The following CTNNA3 variants were observed in gnomAD, a reference collection of about 807,000 sequenced individuals.
The protein encoded by CTNNA3 is catenin alpha-3.
Under a neutral mutation model 95.7 loss-of-function variants are expected in CTNNA3, and 76 were observed. The ratio of observed to expected loss-of-function variants is 0.79; its 90% CI spans 0.66 to 0.96. The LOEUF (loss-of-function observed/expected upper bound fraction) is 0.96, where lower values mean the gene tolerates loss of function less well. Ranked by LOEUF, CTNNA3 falls within the 40% of genes least tolerant of loss-of-function variation. The pLI is 0.00. For missense variants in CTNNA3, 1,191 were observed against 1,089.8 expected (o/e 1.09, Z -1.31); for synonymous variants, 431 against 374.4 (o/e 1.15, Z -1.74).
rs868226103 is a variant in CTNNA3 at position 66,418,605 on chromosome 10, G to T, written c.1532-39253C>A. 1.1e-3 allele frequency among the ~76,000 whole-genome samples: 158 copies of T among 145,132 alleles called. 1 individual carries two copies. Among genetic ancestry groups the T allele is most frequent in the African/African-American group, 3.7e-3 (143 of 38,628 alleles). On this transcript the variant is annotated intron_variant, in intron 11 of 17. Transcript: ENST00000433211. Reference sequence around the variant, plus strand: ...CACAGAGGTATAGGTCAATATCTCTGATAAACATAAACACAAAAAACCCCA... The same window carrying T: ...CACAGAGGTATAGGTCAATATCTCTTATAAACATAAACACAAAAAACCCCA...
At chr10:67,346,288 T>C (rs1842411784) in intron 5 of CTNNA3, among the ~76,000 whole-genome samples, 1 of 152,160 alleles carries the variant, frequency 6.6e-6, no homozygotes, top group African/African-American at 2.4e-5. Flanking sequence ...GTTATAATAT[T>C]ATGTGTATTT....
chr10:66,814,764 A>C (rs1842011010), intron 7 of CTNNA3, among the ~76,000 whole-genome samples: 1 of 152,184 alleles, frequency 6.6e-6, no homozygotes, highest in South Asian at 2.1e-4. Context: ...TCTATCTCAA[A>C]TTAAATAAAT....
intron 9 of CTNNA3, among the ~76,000 whole-genome samples, chr10:66,627,044 G>T (rs773517619): frequency 5.9e-5 from 9 of 152,070 alleles, no homozygotes; most frequent in Non-Finnish European, 1.0e-4. Flanking sequence ...GAAGATAAAT[G>T]TACTGAGGTG....
intron 9 of CTNNA3, among the ~76,000 whole-genome samples, chr10:66,735,974 A>G (rs1243219860): frequency 6.6e-6 from 1 of 152,192 alleles, no homozygotes; most frequent in Non-Finnish European, 1.5e-5. Flanking sequence ...TGCCTTGGGA[A>G]CATGCTTCCC....
intron 1 of CTNNA3, among the ~76,000 whole-genome samples, chr10:67,694,093 A>C (rs1409942220): frequency 6.6e-6 from 1 of 152,156 alleles, no homozygotes; most frequent in Non-Finnish European, 1.5e-5. Context: ...CATATAAATC[A>C]CTATGTCTAC....
intron 10 of CTNNA3, among the ~76,000 whole-genome samples, chr10:66,603,376 T>A (rs1844002699): frequency 6.6e-6 from 1 of 152,006 alleles, no homozygotes; most frequent in African/African-American, 2.4e-5. Flanking sequence ...AGAATAAATT[T>A]AATGAAGAAG....
chr10:67,402,910 G>T (rs897745514), intron 5 of CTNNA3, among the ~76,000 whole-genome samples: 1 of 152,174 alleles, frequency 6.6e-6, no homozygotes, highest in African/African-American at 2.4e-5. Context: ...CCTAGGAAGG[G>T]GGCCGAATCC....
intron 7 of CTNNA3, among the ~76,000 whole-genome samples, chr10:67,088,521 T>C (rs891843901): frequency 6.6e-6 from 1 of 151,946 alleles, no homozygotes; most frequent in Non-Finnish European, 1.5e-5. Flanking sequence ...ACTCTCCCTG[T>C]TACTTAGATG....
intron 7 of CTNNA3, among the ~76,000 whole-genome samples, chr10:67,138,283 C>T (rs1860390911): frequency 6.6e-6 from 1 of 152,012 alleles, no homozygotes; most frequent in Admixed American, 6.6e-5. Context: ...AGCAGTGGAC[C>T]CCTTCAGGTA....
intron 7 of CTNNA3, among the ~76,000 whole-genome samples, chr10:67,012,504 G>A (rs1196258804): frequency 1.3e-5 from 2 of 152,048 alleles, no homozygotes; most frequent in East Asian, 3.9e-4. Flanking sequence ...GAAAACCTTT[G>A]TTATTCTGCA....
intron 9 of CTNNA3, among the ~76,000 whole-genome samples, chr10:66,744,867 G>T (rs1849449888): frequency 1.3e-5 from 2 of 152,132 alleles, no homozygotes; most frequent in Non-Finnish European, 2.9e-5. Context: ...GGGTTTTTAT[G>T]TTGAGGAATA....
intron 9 of CTNNA3, among the ~76,000 whole-genome samples, chr10:66,755,878 T>C (rs1839344240): frequency 6.6e-6 from 1 of 152,116 alleles, no homozygotes; most frequent in African/African-American, 2.4e-5. Flanking sequence ...ACTAATTCAA[T>C]CTGCATATAA....
rs1186733686 is a variant in CTNNA3, at chr10:66,379,176, T to G, written c.1708A>C (p.Asn570His). 9 of 1,613,994 alleles carry G rather than the reference T, an allele frequency of 5.6e-6. No homozygotes were observed. In the Admixed American group the frequency reaches 1.5e-4, roughly 27 times the overall value. Residue 570 changes from asparagine to histidine, a missense_variant, in exon 12 of 18, where the codon AAT (asparagine) becomes CAT (histidine). Physicochemically the swap from Asn to His is moderately conservative, Grantham distance 68. Coordinates refer to ENST00000433211, the MANE Select transcript of CTNNA3 (RefSeq NM_013266.4). ...PGAYTEGVMR[N>H]VNFLTSTVIP... The stretch of plus-strand genomic sequence containing the variant: ...CCAGTACTTGTAAGGAAGTTAACAT[T>G]TCTCATTACACCTTCCGTGTAAGCC...
intron 6 of CTNNA3, among the ~76,000 whole-genome samples, chr10:67,215,344 G>A (rs910723511): frequency 6.6e-5 from 10 of 152,000 alleles, no homozygotes; most frequent in African/African-American, 2.4e-4. Context: ...TACAGTGTTT[G>A]CAGACCTGAT....
In CTNNA3 at chr10:67,257,661, G is replaced by A. The variant is rs1036172961; in HGVS notation, c.580-37791C>T. Reference sequence around the variant, plus strand: ...TAAACAGCGGGTGGACTAGTGTTTCGTGCATGTTTTTTTGGTCTTGTTTTG... The same window carrying A: ...TAAACAGCGGGTGGACTAGTGTTTCATGCATGTTTTTTTGGTCTTGTTTTG... On this transcript the variant is annotated intron_variant, in intron 5 of 17. Coordinates refer to ENST00000433211, the MANE Select transcript of CTNNA3 (RefSeq NM_013266.4). Among the ~76,000 whole-genome samples, 7 of 151,990 alleles carry A rather than the reference G, an allele frequency of 4.6e-5. 1 individual carries two copies. Among genetic ancestry groups the A allele is most frequent in the Non-Finnish European group, 8.8e-5 (6 of 67,996 alleles).
At chr10:66,075,522 T>C (rs967005759) in intron 14 of CTNNA3, among the ~76,000 whole-genome samples, 1 of 151,812 alleles carries the variant, frequency 6.6e-6, no homozygotes, top group African/African-American at 2.4e-5. Flanking sequence ...AAATGTATCA[T>C]CTTGGCCTCC....
chr10:66,759,413 A>T (rs1365914729), intron 9 of CTNNA3, among the ~76,000 whole-genome samples: 1 of 152,180 alleles, frequency 6.6e-6, no homozygotes, highest in Admixed American at 6.5e-5. Flanking sequence ...CATATTTCAT[A>T]CTTTACTCAA....
At chr10:67,200,407 C>T (rs1393620689) in intron 6 of CTNNA3, among the ~76,000 whole-genome samples, 1 of 152,112 alleles carries the variant, frequency 6.6e-6, no homozygotes, top group Non-Finnish European at 1.5e-5. Context: ...CAGTTTAATA[C>T]TCCCTAAAGA....
intron 13 of CTNNA3, among the ~76,000 whole-genome samples, chr10:66,199,805 A>ATATAT (rs1564756586): frequency 1.4e-4 from 2 of 14,286 alleles, no homozygotes; most frequent in African/African-American, 7.9e-4. Context: ...ATATATATAT[A>ATATAT]TTTTTTTTTT....
Sources: gnomAD v4.1 joint callset for allele counts (sites outside exome capture counted in the v4.1 genomes callset) on GRCh38, gnomAD v4.1.1 for gene constraint, MANE v1.5 for transcripts, NCBI Gene and HGNC (gene_info 2026-07-23, HGNC 2026-07-21) for gene names.